Variants in PLB1 observed in about 807,000 individuals in gnomAD.
PLB1 encodes the protein phospholipase B1, membrane-associated.
In PLB1, 242 loss-of-function variants were observed where a neutral mutation model predicts 227.4. The ratio of observed to expected loss-of-function variants is 1.06; its 90% CI spans 0.96 to 1.18. The LOEUF is 1.18. PLB1 is among the 50% of genes most tolerant of loss of function. PLB1 has a pLI of 0.00. For synonymous variants in PLB1, 757 were observed against 682.2 expected, an observed-to-expected ratio of 1.11 and a Z score of -1.71; for missense variants, 1,858 against 1,816.3, an observed-to-expected ratio of 1.02 and a Z score of -0.42.
intron 40 of PLB1, 75 bp from the exon 41 acceptor site, chr2:28,604,580 C>T: frequency 9.3e-6 from 11 of 1,184,118 alleles, no homozygotes; most frequent in Non-Finnish European, 1.3e-5. Context: ...GACTGCCCAC[C>T]ACCCCTACTC....
intron 8 of PLB1, among the ~76,000 whole-genome samples, chr2:28,531,512 T>G (rs1004465746): frequency 6.6e-6 from 1 of 152,148 alleles, no homozygotes; most frequent in Non-Finnish European, 1.5e-5. Flanking sequence ...GGTTTCTCCA[T>G]GTTGGTCAGG....
intron 53 of PLB1, among the ~76,000 whole-genome samples, chr2:28,630,166 A>C (rs905254665): frequency 2.6e-5 from 4 of 152,082 alleles, no homozygotes; most frequent in Admixed American, 2.6e-4. Context: ...AGGCCCCCGG[A>C]ACTTGAGGAG....
chr2:28,593,152 T>A (rs1355093614), intron 32 of PLB1, among the ~76,000 whole-genome samples: 2 of 152,106 alleles, frequency 1.3e-5, no homozygotes, highest in Non-Finnish European at 2.9e-5. Flanking sequence ...TGCTCCTAAC[T>A]TCCAAGAAAT....
At chr2:28,556,054 G>T (rs1675056635) in intron 17 of PLB1, among the ~76,000 whole-genome samples, 1 of 151,744 alleles carries the variant, frequency 6.6e-6, no homozygotes, top group Non-Finnish European at 1.5e-5. Context: ...GTACAGACAA[G>T]GTCTCACTAT....
At chr2:28,587,092 G>T (rs1157477410) in intron 26 of PLB1, among the ~76,000 whole-genome samples, 1 of 152,200 alleles carries the variant, frequency 6.6e-6, no homozygotes, top group Non-Finnish European at 1.5e-5. Context: ...CTCTGGGGAG[G>T]AAGTCCCTGG....
chr2:28,562,558 A>AAAAAAAAAAAAAAAAAAAAG (rs1261725245), intron 17 of PLB1, among the ~76,000 whole-genome samples: 14 of 147,656 alleles, frequency 9.5e-5, no homozygotes, highest in Non-Finnish European at 1.7e-4. Context: ...AAAAAAAAAA[A>AAAAAAAAAAAAAAAAAAAAG]AGTCAGTGGC....
At chr2:28,536,116 C>T (rs1048359305) in intron 9 of PLB1, among the ~76,000 whole-genome samples, 1 of 152,168 alleles carries the variant, frequency 6.6e-6, no homozygotes, top group South Asian at 2.1e-4. Context: ...CTGTCCTGCC[C>T]CAACTTAGGA....
At chr2:28,605,178 T>G (rs982581225) in intron 41 of PLB1, among the ~76,000 whole-genome samples, 8 of 152,206 alleles carry the variant, frequency 5.3e-5, no homozygotes, top group African/African-American at 1.9e-4. Flanking sequence ...CTCTCTCGTG[T>G]GCAACGCTGC....
intron 9 of PLB1, among the ~76,000 whole-genome samples, chr2:28,537,731 C>T (rs1475000062): frequency 6.6e-6 from 1 of 150,594 alleles, no homozygotes; most frequent in Non-Finnish European, 1.5e-5. Flanking sequence ...ATTTTCATGA[C>T]CTGCAGGAAG....
intron 16 of PLB1, among the ~76,000 whole-genome samples, chr2:28,552,446 T>A (rs947946461): frequency 6.6e-6 from 1 of 152,258 alleles, no homozygotes; most frequent in Non-Finnish European, 1.5e-5. Flanking sequence ...TAGTAACTTA[T>A]TTGTTCAACT....
At chr2:28,628,054 T>TA (rs1463528591) in intron 51 of PLB1, among the ~76,000 whole-genome samples, 1 of 152,212 alleles carries the variant, frequency 6.6e-6, no homozygotes, top group African/African-American at 2.4e-5. Context: ...GACACACCTC[T>TA]AAATCAGCCT....
intron 44 of PLB1, among the ~76,000 whole-genome samples, chr2:28,616,967 T>C (rs72850473): frequency 0.017 from 2,614 of 152,262 alleles, 72 homozygotes; most frequent in African/African-American, 0.06. Context: ...CCATACTCAG[T>C]ATGCATATAT....
intron 49 of PLB1, among the ~76,000 whole-genome samples, chr2:28,623,627 C>T (rs528536247): frequency 6.6e-6 from 1 of 152,244 alleles, no homozygotes; most frequent in African/African-American, 2.4e-5. Context: ...ACGTACCTAG[C>T]TTACCGTGGC....
intron 19 of PLB1, 91 bp from the exon 20 acceptor site, chr2:28,566,705 C>G: frequency 2.1e-6 from 3 of 1,442,230 alleles, no homozygotes; most frequent in Non-Finnish European, 2.9e-6. Context: ...GGCTGTTTCT[C>G]GGGAGACGGG....
intron 19 of PLB1, among the ~76,000 whole-genome samples, chr2:28,565,598 G>A (rs994095093): frequency 6.6e-6 from 1 of 152,194 alleles, no homozygotes; most frequent in African/African-American, 2.4e-5. Flanking sequence ...TGTTTGGGCT[G>A]GAAATGCTTC....
At chr2:28,640,444 G>A (rs1213738709) in intron 56 of PLB1, among the ~76,000 whole-genome samples, 1 of 152,194 alleles carries the variant, frequency 6.6e-6, no homozygotes, top group Non-Finnish European at 1.5e-5. Flanking sequence ...GACAAGTCAA[G>A]TGCAGTAATG....
Position 28,566,972 on chromosome 2 carries a change from G to C in PLB1, c.1324+133G>C, listed in dbSNP as rs368991908. 1.9e-4 allele frequency: 183 copies of C among 980,064 alleles called. 3 individuals are homozygous for C. In the East Asian group the frequency reaches 3.1e-3, roughly 17 times the overall value. The allele number at this position is 980,064 out of a possible 1,614,324, so 60.7% of individuals were successfully genotyped here. On this transcript the variant is annotated intron_variant, in intron 20 of 57. Transcript: ENST00000327757. ...CCCGCTAAATTCACCAGGGGGCGCT[G>C]CCTCCCGAGACTGCCGCCCAGCTCC...
intron 56 of PLB1, chr2:28,633,261 T>A: frequency 1.9e-6 from 1 of 528,950 alleles, no homozygotes; most frequent in South Asian, 2.4e-5. Flanking sequence ...CACACAACTT[T>A]ATTCTTTGTT....
rs368783126 is a variant in PLB1, at chr2:28,590,093, G to A, written c.2088+17G>A. On this transcript the variant is annotated intron_variant, in intron 29 of 57. Transcript: ENST00000327757. ...CCGAACCAGGTAGAGTGGAAAGCAC[G>A]TCCTTCCAGGCTCCGGCTGCACTGG... 3.8e-5 allele frequency: 60 copies of A among 1,594,914 alleles called. No individual in the cohort carries two copies. The highest frequency in any genetic ancestry group is 1.7e-4 in the Middle Eastern group (1 of 6,024).
Sources: gnomAD v4.1 joint callset for allele counts (sites outside exome capture counted in the v4.1 genomes callset) on GRCh38, gnomAD v4.1.1 for gene constraint, MANE v1.5 for transcripts, NCBI Gene and HGNC (gene_info 2026-07-23, HGNC 2026-07-21) for gene names.